The following TOGARAM2 variants were observed in gnomAD, a reference collection of about 807,000 sequenced individuals.
TOGARAM2 encodes TOG array regulator of axonemal microtubules 2.
A neutral mutation model predicts 93.3 loss-of-function variants in TOGARAM2; 85 were observed. That is an observed-to-expected ratio of 0.91 (90% CI 0.76 to 1.09). The LOEUF is 1.09. TOGARAM2 is among the 50% of genes least tolerant of loss of function. The probability of loss-of-function intolerance (pLI) is 0.00; values close to 1 mark genes in which losing one functional copy is unlikely to be tolerated. For synonymous variants in TOGARAM2, 593 were observed against 552.8 expected, an observed-to-expected ratio of 1.07 and a Z score of -1.02; for missense variants, 1,277 against 1,334.5, an observed-to-expected ratio of 0.96 and a Z score of 0.67.
rs559495685 is a variant in TOGARAM2 at position 29,003,606 on chromosome 2, C to T, written c.754C>T (p.Arg252Cys). Residue 252 changes from arginine (R) to cysteine (C), a missense_variant, in exon 6 of 20, where the codon CGT (arginine) becomes TGT (cysteine). Coordinates refer to ENST00000379558, the MANE Select transcript of TOGARAM2 (RefSeq NM_199280.4). ...CAGGACGGTTGCAGCGACCCCCTCC[C>T]GTGTGCCTGGCTCCCTTCCCAGCCC... ...KARTVAATPS[R>C]VPGSLPSPLP... 3.8e-5 allele frequency: 61 copies of T among 1,594,076 alleles called. No homozygotes were observed. The highest frequency in any genetic ancestry group is 4.9e-5 in the Non-Finnish European group (57 of 1,171,322).
chr2:28,971,839 A>T (rs1208254562), intron 1 of TOGARAM2, among the ~76,000 whole-genome samples: 1 of 152,160 alleles, frequency 6.6e-6, no homozygotes, highest in Non-Finnish European at 1.5e-5. Context: ...TTGTTATTTG[A>T]CTGTGCTCAA....
intron 2 of TOGARAM2, 102 bp from the exon 3 acceptor site, chr2:28,998,041 C>A (rs192517648): frequency 8.1e-6 from 6 of 736,230 alleles, no homozygotes; most frequent in South Asian, 2.1e-5. Flanking sequence ...AGGGACCCTG[C>A]GGGGTGGAGT....
intron 14 of TOGARAM2, among the ~76,000 whole-genome samples, 158 bp downstream of exon 14, chr2:29,027,169 T>G (rs1665443742): frequency 6.6e-6 from 1 of 152,158 alleles, no homozygotes; most frequent in Admixed American, 6.5e-5. Context: ...TCCCATCCCT[T>G]CCATCAAGCC....
intron 15 of TOGARAM2, 95 bp from the exon 16 acceptor site, chr2:29,033,373 AG>A: frequency 8.7e-7 from 1 of 1,148,682 alleles, no homozygotes; most frequent in Non-Finnish European, 1.3e-6. Flanking sequence ...CCTAGGTGGA[AG>A]GGATTATTGC....
chr2:28,993,687 G>C (rs969794258), intron 1 of TOGARAM2, among the ~76,000 whole-genome samples: 1 of 151,920 alleles, frequency 6.6e-6, no homozygotes, highest in African/African-American at 2.4e-5. Flanking sequence ...GGCCAAGCTG[G>C]GCTGGGTGCT....
chr2:29,006,114 CA>C (rs1558424478), intron 6 of TOGARAM2, among the ~76,000 whole-genome samples: 13 of 49,188 alleles, frequency 2.6e-4, no homozygotes, highest in African/African-American at 7.3e-4. Flanking sequence ...GTGTGGAGTG[CA>C]TATGTGTGTG....
chr2:29,005,001 TGTGCATGTGTATGTGTGA>T (rs1466888218), intron 6 of TOGARAM2, among the ~76,000 whole-genome samples: 1 of 53,102 alleles, frequency 1.9e-5, no homozygotes, highest in East Asian at 5.4e-4. Context: ...AGTGCATGTG[TGTGCATGTGTATGTGTGA>T]GTGCATGTAT....
intron 14 of TOGARAM2, among the ~76,000 whole-genome samples, chr2:29,032,475 A>G (rs956972572): frequency 6.6e-6 from 1 of 152,094 alleles, no homozygotes; most frequent in Non-Finnish European, 1.5e-5. Flanking sequence ...ACACCCTCCT[A>G]TATTGTCCCG....
At chr2:28,971,893 A>T (rs1326576320) in intron 1 of TOGARAM2, among the ~76,000 whole-genome samples, 1 of 152,188 alleles carries the variant, frequency 6.6e-6, no homozygotes, top group African/African-American at 2.4e-5. Context: ...AGATTATAGC[A>T]GAGTTTTGCA....
chr2:28,980,367 G>C (rs1383720856), upstream of TOGARAM2, among the ~76,000 whole-genome samples: 1 of 152,252 alleles, frequency 6.6e-6, no homozygotes, highest in Non-Finnish European at 1.5e-5. Context: ...CAGGCCTCGT[G>C]GGGTGTAGTT....
At chr2:29,026,367 C>T (rs1665363674) in intron 13 of TOGARAM2, among the ~76,000 whole-genome samples, 1 of 152,190 alleles carries the variant, frequency 6.6e-6, no homozygotes, top group Admixed American at 6.5e-5. Flanking sequence ...TCCCCGCCCA[C>T]AGGGAGCTGG....
intron 6 of TOGARAM2, among the ~76,000 whole-genome samples, chr2:29,010,462 T>C (rs1664174915): frequency 6.6e-6 from 1 of 152,094 alleles, no homozygotes; most frequent in Non-Finnish European, 1.5e-5. Context: ...CCGCTCCTCC[T>C]GTGGACTCCC....
rs944273989 is a variant in TOGARAM2, at chr2:29,051,763, G to A, written c.2730G>A (p.Val910=). Residue 910 remains valine, a synonymous_variant, in exon 20 of 20, where the codon GTG becomes GTA. Transcript: ENST00000379558. ...TCCTTTTCTGCCTGACAGTGCTGGTGGCCTCAGTTTACCCCCGGAAGCCTC... is the reference window on the plus strand; with the variant it reads ...TCCTTTTCTGCCTGACAGTGCTGGTAGCCTCAGTTTACCCCCGGAAGCCTC... ...LDVTDRLAVL[V]ASVYPRKPQA... is the part of the protein sequence containing the mutation. The A allele has an allele frequency of 6.6e-7, 1 of 1,506,282 alleles. No homozygotes were observed. The highest frequency in any genetic ancestry group is 8.9e-7 in the Non-Finnish European group (1 of 1,118,470). The allele number at this position is 1,506,282 out of a possible 1,614,324, so 93.3% of individuals were successfully genotyped here.
chr2:29,000,092 T>C, intron 4 of TOGARAM2, among the ~76,000 whole-genome samples: 1 of 152,228 alleles, frequency 6.6e-6, no homozygotes, highest in East Asian at 1.9e-4. Context: ...CTATCATTTT[T>C]TTCCTTCAGT....
chr2:29,024,109 A>G, intron 12 of TOGARAM2, 30 bp from the exon 13 acceptor site: 1 of 1,546,268 alleles, frequency 6.5e-7, no homozygotes, highest in Non-Finnish European at 8.8e-7. Flanking sequence ...AGGGTCCAGC[A>G]CCCTGGAGGG....
intron 18 of TOGARAM2, among the ~76,000 whole-genome samples, chr2:29,040,810 ACT>A (rs1227694833): frequency 8.0e-5 from 12 of 150,846 alleles, no homozygotes; most frequent in Non-Finnish European, 1.3e-4. Context: ...CTGCCACTAG[ACT>A]CTCTCCCCTG....
At chr2:28,957,691 C>G (rs994516735) in intron 1 of TOGARAM2, among the ~76,000 whole-genome samples, 1 of 152,086 alleles carries the variant, frequency 6.6e-6, no homozygotes, top group African/African-American at 2.4e-5. Flanking sequence ...AAGGTTTGTT[C>G]ACATGATACT....
chr2:28,982,215 G>T (rs1044346989), intron 1 of TOGARAM2, among the ~76,000 whole-genome samples: 1 of 152,346 alleles, frequency 6.6e-6, no homozygotes, highest in African/African-American at 2.4e-5. Context: ...TGATGCTGTT[G>T]TTAGGTGGAG....
At chr2:29,003,118 C>T (rs2148290194) in intron 5 of TOGARAM2, among the ~76,000 whole-genome samples, 1 of 152,310 alleles carries the variant, frequency 6.6e-6, no homozygotes, top group East Asian at 1.9e-4. Context: ...TGGGCTAGGA[C>T]TCAGATTTGG....
Sources: allele counts gnomAD v4.1 joint callset (sites outside exome capture counted in the v4.1 genomes callset), GRCh38; gene constraint gnomAD v4.1.1; transcripts MANE v1.5; gene names NCBI Gene and HGNC (gene_info 2026-07-23, HGNC 2026-07-21).